Variants in TMEM45A observed in about 807,000 individuals in gnomAD.
The protein encoded by TMEM45A is DNA polymerase-transactivated protein 4.
Under a neutral mutation model 32.0 loss-of-function variants are expected in TMEM45A, and 25 were observed. The observed-to-expected ratio is 0.78, with a 90% CI of 0.57 to 1.09. The LOEUF (loss-of-function observed/expected upper bound fraction) is 1.09, where lower values mean the gene tolerates loss of function less well. TMEM45A is among the 50% of genes least tolerant of loss of function. TMEM45A has a pLI of 0.00. For synonymous variants in TMEM45A, 122 were observed against 114.8 expected (o/e 1.06, Z -0.40); for missense variants, 302 against 325.0 (o/e 0.93, Z 0.54).
At chr3:100,523,213 A>C (rs1266636491) in intron 1 of TMEM45A, among the ~76,000 whole-genome samples, 5 of 152,072 alleles carry the variant, frequency 3.3e-5, no homozygotes, top group African/African-American at 1.2e-4. Context: ...CGTTCTGCTG[A>C]TGTTGTCTGT....
chr3:100,514,428 G>A (rs958618599), intron 1 of TMEM45A, among the ~76,000 whole-genome samples: 1 of 152,088 alleles, frequency 6.6e-6, no homozygotes, highest in Non-Finnish European at 1.5e-5. Flanking sequence ...GCCATATGTA[G>A]AAAGCTGAAA....
intron 1 of TMEM45A, among the ~76,000 whole-genome samples, chr3:100,512,668 A>C (rs1431156632): frequency 4.0e-5 from 6 of 150,852 alleles, no homozygotes; most frequent in South Asian, 2.1e-4. Flanking sequence ...ACCCTTCAAA[A>C]AATTAATGAA....
intron 4 of TMEM45A, among the ~76,000 whole-genome samples, chr3:100,558,902 A>G (rs1328131215): frequency 6.6e-6 from 1 of 152,230 alleles, no homozygotes; most frequent in African/African-American, 2.4e-5. Context: ...AGCTTAAGAA[A>G]TATATAGAAG....
At chr3:100,543,068 A>G (rs1705918408) in intron 1 of TMEM45A, among the ~76,000 whole-genome samples, 1 of 152,236 alleles carries the variant, frequency 6.6e-6, no homozygotes, top group Non-Finnish European at 1.5e-5. Context: ...AAATAAAAAC[A>G]GTACATAAAT....
intron 1 of TMEM45A, among the ~76,000 whole-genome samples, chr3:100,493,932 A>G (rs976182888): frequency 1.3e-5 from 2 of 152,136 alleles, no homozygotes; most frequent in African/African-American, 4.8e-5. Flanking sequence ...GGGTTTCGCC[A>G]TGTTGGCCAG....
chr3:100,496,662 G>A (rs896886285), intron 1 of TMEM45A, among the ~76,000 whole-genome samples: 12 of 152,224 alleles, frequency 7.9e-5, no homozygotes, highest in African/African-American at 2.4e-4. Flanking sequence ...TATGAAATGT[G>A]CTCCATATGG....
At chr3:100,525,852 T>C (rs1705533186) in intron 1 of TMEM45A, among the ~76,000 whole-genome samples, 1 of 152,196 alleles carries the variant, frequency 6.6e-6, no homozygotes, top group African/African-American at 2.4e-5. Flanking sequence ...CGACAAGTAG[T>C]ACTGGCTCTG....
rs113930955 is a variant in TMEM45A at position 100,568,220 on chromosome 3, A to C, written c.589-602A>C. Among the ~76,000 whole-genome samples the C allele has an allele frequency of 3.3e-3, 496 of 152,280 alleles. 3 individuals are homozygous for C. In the Middle Eastern group the frequency reaches 0.034, roughly 11 times the overall value. On this transcript the variant is annotated intron_variant, in intron 4 of 5. Transcript: ENST00000323523. ...CTAATAGTTTTCTAATGGATTTTTA[A>C]AGGAATTTCTATATATAAGATCATG...
rs769025476 is a variant in TMEM45A at position 100,565,485 on chromosome 3, C to T, written c.589-3337C>T. ...CATGAAGTGTTTTTTTTTCTTGTAACCTTTCATTTATTAGACGTGTAATCA... is the reference window on the plus strand; with the variant it reads ...CATGAAGTGTTTTTTTTTCTTGTAATCTTTCATTTATTAGACGTGTAATCA... On this transcript the variant is annotated intron_variant, in intron 4 of 5. Transcript: ENST00000323523. 5.3e-5 allele frequency among the ~76,000 whole-genome samples: 8 copies of T among 151,862 alleles called. No homozygotes were observed. The South Asian group carries it at 1.0e-3, about 20-fold the overall frequency.
intron 1 of TMEM45A, among the ~76,000 whole-genome samples, chr3:100,498,347 G>A (rs1707961601): frequency 6.6e-6 from 1 of 152,130 alleles, no homozygotes; most frequent in Admixed American, 6.5e-5. Flanking sequence ...CTTTGAGTAT[G>A]GCCTCCATAA....
At chr3:100,511,031 C>A (rs1404954095) in intron 1 of TMEM45A, among the ~76,000 whole-genome samples, 1 of 152,146 alleles carries the variant, frequency 6.6e-6, no homozygotes, top group Non-Finnish European at 1.5e-5. Flanking sequence ...AGAATGGAAC[C>A]AAGTTGGAAA....
At chr3:100,573,300 T>C (rs1276907382) in intron 5 of TMEM45A, 1 of 151,730 alleles carries the variant, frequency 6.6e-6, no homozygotes, top group Non-Finnish European at 1.5e-5. Context: ...GTAGTTCTCC[T>C]TGAAGAGGTC....
At chr3:100,515,676 A>G (rs1708251250) in intron 1 of TMEM45A, among the ~76,000 whole-genome samples, 1 of 152,110 alleles carries the variant, frequency 6.6e-6, no homozygotes, top group Non-Finnish European at 1.5e-5. Context: ...AAAAGAATGA[A>G]ATCCTGTCAT....
chr3:100,548,757 G>T (rs561382433), intron 1 of TMEM45A, among the ~76,000 whole-genome samples: 1 of 152,198 alleles, frequency 6.6e-6, no homozygotes, highest in Non-Finnish European at 1.5e-5. Flanking sequence ...TGTCTATTCT[G>T]CAGTGGGTGC....
intron 1 of TMEM45A, among the ~76,000 whole-genome samples, chr3:100,495,108 A>G (rs967313719): frequency 6.6e-6 from 1 of 152,166 alleles, no homozygotes; most frequent in Non-Finnish European, 1.5e-5. Flanking sequence ...CTGCTCTAGC[A>G]ACTGGTATTA....
At position 100,507,421 on chromosome 3, in the gene TMEM45A, A is replaced by G. The variant is rs188075013; in HGVS notation, c.-4+14493A>G. Reference sequence around the variant, plus strand: ...AAGTTCCTACTTGAAGATGATCACAAGATATTACTGTTATTTGATAGAAAT... The same window carrying G: ...AAGTTCCTACTTGAAGATGATCACAGGATATTACTGTTATTTGATAGAAAT... On this transcript the variant is annotated intron_variant, in intron 1 of 5. Transcript: ENST00000323523. 2.6e-3 allele frequency among the ~76,000 whole-genome samples: 402 copies of G among 152,346 alleles called. 1 individual carries two copies. Among genetic ancestry groups the G allele is most frequent in the Non-Finnish European group, 4.5e-3 (308 of 68,024 alleles).
Position 100,551,195 on chromosome 3 carries a change from A to G in TMEM45A, c.-3-4014A>G, listed in dbSNP as rs1024899214. 9.9e-5 allele frequency among the ~76,000 whole-genome samples: 15 copies of G among 151,802 alleles called. No homozygotes were observed. The East Asian group carries it at 2.9e-3, about 29-fold the overall frequency. ...CACCCAGAGACTTTTCTGTATTTTT[A>G]GTGGAGACGGGGTTTCGCCGTGTCA... On this transcript the variant is annotated intron_variant, in intron 1 of 5. Transcript: ENST00000323523.
intron 1 of TMEM45A, among the ~76,000 whole-genome samples, chr3:100,525,445 A>C (rs746712258): frequency 6.6e-5 from 10 of 152,230 alleles, no homozygotes; most frequent in Non-Finnish European, 1.3e-4. Flanking sequence ...GGAAGGTAGA[A>C]AAGCAACAAC....
intron 1 of TMEM45A, among the ~76,000 whole-genome samples, chr3:100,540,306 A>G (rs1009811449): frequency 1.3e-5 from 2 of 152,226 alleles, no homozygotes; most frequent in African/African-American, 4.8e-5. Flanking sequence ...TAAATCTGAT[A>G]AAAGACACAT....
Sources: allele counts gnomAD v4.1 joint callset (sites outside exome capture counted in the v4.1 genomes callset), GRCh38; gene constraint gnomAD v4.1.1; transcripts MANE v1.5; gene names NCBI Gene and HGNC (gene_info 2026-07-23, HGNC 2026-07-21).